DHX37: variants seen among roughly 807,000 people sequenced by gnomAD.
The protein encoded by DHX37 is probable ATP-dependent RNA helicase DHX37.
Under a neutral mutation model 134.3 loss-of-function variants are expected in DHX37, and 52 were observed. That is an observed-to-expected ratio of 0.39 (90% CI 0.31 to 0.49). The LOEUF (loss-of-function observed/expected upper bound fraction) is 0.49, where lower values mean the gene tolerates loss of function less well. Ranked by LOEUF, DHX37 falls within the 20% of genes least tolerant of loss-of-function variation. DHX37 has a pLI of 0.93. For missense variants in DHX37, 1,344 were observed against 1,580.8 expected, an observed-to-expected ratio of 0.85 and a Z score of 2.54; for synonymous variants, 634 against 670.7, an observed-to-expected ratio of 0.95 and a Z score of 0.85.
In DHX37 at chr12:124,980,885, C is replaced by G; in HGVS notation, c.390-47G>C. On this transcript the variant is annotated intron_variant, in intron 3 of 26. Transcript: ENST00000308736. The surrounding 1 kb of genome is among the most constrained non-coding windows in gnomAD (Gnocchi z 5.3). ...CAGGCACAGAGGCCCCACCTCAATC[C>G]CAGAGGTCAGGACTCCAAGGCCATA... is the stretch of plus-strand genomic sequence containing the variant. 6.5e-7 allele frequency: 1 copy of G among 1,530,852 alleles called. No homozygotes were observed. The highest frequency in any genetic ancestry group is 8.7e-7 in the Non-Finnish European group (1 of 1,143,882). The allele number at this position is 1,530,852 out of a possible 1,614,324, so 94.8% of individuals were successfully genotyped here.
chr12:124,981,919 T>G (rs1245137567), intron 3 of DHX37, among the ~76,000 whole-genome samples: 1 of 148,440 alleles, frequency 6.7e-6, no homozygotes, highest in Non-Finnish European at 1.5e-5. Context: ...AGGTTGGGAG[T>G]TCGAGACCAG....
chr12:124,988,786 G>A, intron 1 of DHX37, 131 bp downstream of exon 1: 1 of 446,204 alleles, frequency 2.2e-6, no homozygotes, highest in Non-Finnish European at 3.9e-6. Context: ...ATCTGGAATG[G>A]GGGGACCCAT....
At chr12:124,976,934 C>T (rs11057943) in intron 5 of DHX37, among the ~76,000 whole-genome samples, 1,942 of 151,144 alleles carry the variant, frequency 0.013, 31 homozygotes, top group South Asian at 0.023. Context: ...GTAATCCCAG[C>T]TGTTGAGGAG....
At position 124,968,178 on chromosome 12, in the gene DHX37, T is replaced by C. The variant is rs1450874624; in HGVS notation, c.1408+356A>G. Reference sequence around the variant, plus strand: ...GAGGTGGGTAACGGAGCAGGTATGATGGGGACAAGGCAGAACTGTGAAGGG... The same window carrying C: ...GAGGTGGGTAACGGAGCAGGTATGACGGGGACAAGGCAGAACTGTGAAGGG... On this transcript the variant is annotated intron_variant, in intron 10 of 26. Transcript: ENST00000308736. 3.9e-5 allele frequency among the ~76,000 whole-genome samples: 6 copies of C among 151,984 alleles called. No homozygotes were observed. In the East Asian group the frequency reaches 1.2e-3, roughly 29 times the overall value.
intron 1 of DHX37, among the ~76,000 whole-genome samples, chr12:124,987,096 C>G (rs1014334529): frequency 6.6e-6 from 1 of 152,208 alleles, no homozygotes; most frequent in African/African-American, 2.4e-5. Context: ...TGGCGCACGC[C>G]TGCAATCCCA....
rs764370454 is a variant in DHX37 at position 124,960,358 on chromosome 12, G to A, written c.2111C>T (p.Pro704Leu). ...QFPPPEITRR[P>L]VEDLILQMKA... ...CATTTGAAGGATTAAGTCTTCAACA[G>A]GCCTCCGGGTGATTTCTGGAGGAGG... Residue 704 changes from proline (P) to leucine (L), a missense_variant, in exon 16 of 27, where the codon CCT becomes CTT. Around this residue, in one of 7 missense-constraint regions of DHX37, gnomAD observed 558 missense variants for 650.0 expected, o/e 0.86. Transcript: ENST00000308736. 6 of 1,614,198 alleles carry A rather than the reference G, an allele frequency of 3.7e-6. No homozygotes were observed. The highest frequency in any genetic ancestry group is 5.1e-6 in the Non-Finnish European group (6 of 1,180,004).
chr12:124,980,676 A>G lies in DHX37; in HGVS notation c.552T>C (p.Ala184=). 1 of 1,595,328 alleles carries G rather than the reference A, an allele frequency of 6.3e-7. No homozygotes were observed. Among genetic ancestry groups the G allele is most frequent in the Non-Finnish European group, 8.5e-7 (1 of 1,172,628 alleles). ...CCACACCAGCCTCAGCCGGCTCAGCAGCTGGGTCCTCGTCCAGCTCCGACT... is the reference window on the plus strand; with the variant it reads ...CCACACCAGCCTCAGCCGGCTCAGCGGCTGGGTCCTCGTCCAGCTCCGACT... ...EEESELDEDP[A]AEPAEAGVGT... The change falls in exon 4 of 27, where the codon GCT becomes GCC. Residue 184 remains alanine, a synonymous_variant. Transcript: ENST00000308736. The surrounding 1 kb of genome is among the most constrained non-coding windows in gnomAD (Gnocchi z 5.3).
rs201867332 is a variant in DHX37 at position 124,961,278 on chromosome 12, G to GCA, written c.2046-857_2046-856dup. Among the ~76,000 whole-genome samples, 23 of 89,782 alleles carry GCA rather than the reference G, an allele frequency of 2.6e-4. 1 individual carries two copies. Among genetic ancestry groups the GCA allele is most frequent in the East Asian group, 9.2e-4 (3 of 3,256 alleles). The allele number at this position is 89,782 out of a possible 152,430, so 58.9% of individuals were successfully genotyped here. A position where few individuals can be genotyped will look rare whatever the true frequency, so the allele number is the denominator to read the frequency against. On this transcript the variant is annotated intron_variant, in intron 15 of 26. Transcript: ENST00000308736. Reference sequence around the variant, plus strand: ...CACGCACACACATACACGCGTGCACGCACACACACTTACACGCGTGCACGC... The same window carrying GCA: ...CACGCACACACATACACGCGTGCACGCACACACACACTTACACGCGTGCACGC...
chr12:124,972,151 C>T (rs940484339), intron 7 of DHX37, among the ~76,000 whole-genome samples: 8 of 152,248 alleles, frequency 5.3e-5, no homozygotes, highest in Non-Finnish European at 1.5e-5. Context: ...AGAGCCTGCA[C>T]ACCACAGGCT....
chr12:124,964,895 G>GC, intron 14 of DHX37, 35 bp downstream of exon 14: 1 of 1,563,078 alleles, frequency 6.4e-7, no homozygotes, highest in Non-Finnish European at 8.7e-7. Context: ...CCTTAAAAGT[G>GC]CCCCAAAAGC....
chr12:124,968,566 T>G lies in DHX37; in HGVS notation c.1376A>C (p.Lys459Thr), dbSNP rs752889788. ...LEDYSGECFRKVCKIHRMLPA... is the reference protein window; with the variant it reads ...LEDYSGECFRTVCKIHRMLPA... ...CAGCATCCGGTGGATCTTGCAGACC[T>G]TCCGGAAGCACTCGCCACTGTAGTC... Residue 459 changes from lysine (K) to threonine (T), a missense_variant, in exon 10 of 27, where the codon AAG becomes ACG. Lys to Thr is a moderately conservative substitution (Grantham distance 78, BLOSUM62 -1). Coordinates refer to ENST00000308736, the MANE Select transcript of DHX37 (RefSeq NM_032656.4). 3.1e-6 allele frequency: 5 copies of G among 1,613,940 alleles called. No individual in the cohort carries two copies. In the South Asian group the frequency reaches 5.5e-5, roughly 18 times the overall value.
At chr12:124,987,696 C>T (rs891815794) in intron 1 of DHX37, among the ~76,000 whole-genome samples, 1 of 152,222 alleles carries the variant, frequency 6.6e-6, no homozygotes, top group Non-Finnish European at 1.5e-5. Context: ...AAGACGGCTA[C>T]TACAGGTTAA....
At chr12:124,976,210 C>T (rs1436257521) in intron 5 of DHX37, among the ~76,000 whole-genome samples, 2 of 152,238 alleles carry the variant, frequency 1.3e-5, no homozygotes, top group Non-Finnish European at 2.9e-5. Flanking sequence ...CGGGAGGGGA[C>T]TCTGGAAGCT....
intron 21 of DHX37, among the ~76,000 whole-genome samples, chr12:124,952,015 G>A (rs979633172): frequency 6.6e-5 from 10 of 152,008 alleles, no homozygotes; most frequent in African/African-American, 2.4e-4. Context: ...AGGTGGTGGT[G>A]TGCCCCCTGC....
chr12:124,964,904 G>C (rs1287995680), intron 14 of DHX37, 26 bp downstream of exon 14: 3 of 1,571,228 alleles, frequency 1.9e-6, no homozygotes, highest in South Asian at 2.3e-5. Flanking sequence ...TGCCCCAAAA[G>C]CTGGGCACCG....
chr12:124,987,548 A>C (rs1335890099), intron 1 of DHX37, among the ~76,000 whole-genome samples: 2 of 152,158 alleles, frequency 1.3e-5, no homozygotes, highest in Admixed American at 6.6e-5. Flanking sequence ...GCTGTCTTTG[A>C]GGTGCCATCC....
Position 124,953,967 on chromosome 12 carries a change from A to C in DHX37, c.2608T>G (p.Cys870Gly), listed in dbSNP as rs751886485. 1.9e-5 allele frequency: 31 copies of C among 1,613,382 alleles called. No homozygotes were observed. The highest frequency in any genetic ancestry group is 2.6e-5 in the Non-Finnish European group (31 of 1,179,948). The change falls in exon 20 of 27, where the codon TGC becomes GGC. Residue 870 changes from cysteine to glycine, a missense_variant. Cys to Gly is a radical substitution (Grantham distance 159). This residue lies in a region of DHX37 where 558 missense variants were observed against 650.0 expected (regional missense o/e 0.86). Transcript: ENST00000308736. Reference sequence around the variant, plus strand: ...TTGGCTTCGCAAAACTGGGGTGTGCAGCTGGCATACTCACAGGCTCCCACG... The same window carrying C: ...TTGGCTTCGCAAAACTGGGGTGTGCCGCTGGCATACTCACAGGCTCCCACG... Reference protein sequence around the residue: ...GAVGACEYASCTPQFCEANGL... With the variant: ...GAVGACEYASGTPQFCEANGL...
At chr12:124,956,080 C>T (rs754263078) in intron 18 of DHX37, among the ~76,000 whole-genome samples, 6 of 152,236 alleles carry the variant, frequency 3.9e-5, no homozygotes, top group Non-Finnish European at 7.3e-5. Flanking sequence ...AGGGAAGCAG[C>T]AGGCTTTGCA....
intron 18 of DHX37, among the ~76,000 whole-genome samples, chr12:124,954,803 A>C (rs908437557): frequency 6.6e-6 from 1 of 152,236 alleles, no homozygotes. Flanking sequence ...CCTGAAAATA[A>C]TACTAACACT....
Sources: allele counts gnomAD v4.1 joint callset (sites outside exome capture counted in the v4.1 genomes callset), GRCh38; gene constraint gnomAD v4.1.1; regional missense constraint gnomAD v4.1.1; non-coding constraint Gnocchi (gnomAD v3.1); transcripts MANE v1.5; gene names NCBI Gene and HGNC (gene_info 2026-07-23, HGNC 2026-07-21).